Variants in EIF2AK4 observed in about 807,000 individuals in gnomAD.
The protein encoded by EIF2AK4 is eukaryotic translation initiation factor 2 alpha kinase 4, also known as eIF-2-alpha kinase GCN2.
A neutral mutation model predicts 211.1 loss-of-function variants in EIF2AK4; 139 were observed. That is an observed-to-expected ratio of 0.66 (90% CI 0.57 to 0.76). The LOEUF is 0.76. EIF2AK4 is among the 30% of genes least tolerant of loss of function. The pLI is 0.00. For synonymous variants in EIF2AK4, 710 were observed against 751.3 expected, an observed-to-expected ratio of 0.94 and a Z score of 0.90; for missense variants, 1,664 against 2,043.8, an observed-to-expected ratio of 0.81 and a Z score of 3.58.
chr15:40,006,234 T>A (rs1027509663), intron 23 of EIF2AK4, among the ~76,000 whole-genome samples: 1 of 152,158 alleles, frequency 6.6e-6, no homozygotes, highest in Non-Finnish European at 1.5e-5. Flanking sequence ...TTTTCTTTTA[T>A]AGTGAGTAAA....
chr15:39,946,567 C>G (rs2034230413), intron 3 of EIF2AK4: 1 of 702,086 alleles, frequency 1.4e-6, no homozygotes. Context: ...TAGGATATTT[C>G]ATAAACTTTG....
At position 39,990,175 on chromosome 15, in the gene EIF2AK4, A is replaced by G. The variant is rs2034922798; in HGVS notation, c.2527-98A>G. 1.7e-5 allele frequency: 20 copies of G among 1,182,744 alleles called. No homozygotes were observed. In the South Asian group the frequency reaches 2.4e-4, roughly 14 times the overall value. The allele number at this position is 1,182,744 out of a possible 1,614,324, so 73.3% of individuals were successfully genotyped here. On this transcript the variant is annotated intron_variant, in intron 15 of 38. Coordinates refer to ENST00000263791, the MANE Select transcript of EIF2AK4 (RefSeq NM_001013703.4). Reference sequence around the variant, plus strand: ...AGGGTGGTCTGTGGGAGAAGACCTCATACGATTTTCATCGCTAGGTTGGCC... The same window carrying G: ...AGGGTGGTCTGTGGGAGAAGACCTCGTACGATTTTCATCGCTAGGTTGGCC...
chr15:39,937,788 T>C (rs1566979026), intron 1 of EIF2AK4, among the ~76,000 whole-genome samples: 1 of 152,178 alleles, frequency 6.6e-6, no homozygotes, highest in Non-Finnish European at 1.5e-5. Context: ...GCATCCCTCC[T>C]CCTCCAGCTA....
At chr15:39,970,179 A>C (rs2034603750) in intron 9 of EIF2AK4, among the ~76,000 whole-genome samples, 1 of 152,220 alleles carries the variant, frequency 6.6e-6, no homozygotes, top group Non-Finnish European at 1.5e-5. Flanking sequence ...CAGGCATTTT[A>C]TCCCTTTTTG....
At chr15:39,934,441 C>T in intron 1 of EIF2AK4, 102 bp downstream of exon 1, 2 of 1,445,238 alleles carry the variant, frequency 1.4e-6, no homozygotes, top group Non-Finnish European at 1.8e-6. Flanking sequence ...CTTTAGGATC[C>T]TGCAGTCTTT....
chr15:40,021,128 G>A, intron 31 of EIF2AK4, 101 bp downstream of exon 31: 1 of 1,326,298 alleles, frequency 7.5e-7, no homozygotes, highest in East Asian at 2.7e-5. Flanking sequence ...GTTTATCTCT[G>A]TAATTCGAGT....
chr15:39,988,189 G>A (rs1261188900), intron 15 of EIF2AK4, 84 bp downstream of exon 15: 3 of 1,481,912 alleles, frequency 2.0e-6, no homozygotes, highest in East Asian at 4.6e-5. Context: ...TAAGATTGGA[G>A]AAAAACTGAA....
intron 18 of EIF2AK4, among the ~76,000 whole-genome samples, chr15:39,993,406 A>G (rs964046018): frequency 2.0e-5 from 3 of 152,244 alleles, no homozygotes; most frequent in Non-Finnish European, 4.4e-5. Flanking sequence ...AAGAAAAGAA[A>G]TGGAACTGAG....
intron 13 of EIF2AK4, among the ~76,000 whole-genome samples, chr15:39,983,117 C>G (rs1022186765): frequency 6.6e-6 from 1 of 152,164 alleles, no homozygotes; most frequent in Non-Finnish European, 1.5e-5. Flanking sequence ...TGAGGAATTG[C>G]CACACTGTCT....
intron 3 of EIF2AK4, chr15:39,946,893 G>A (rs888880992): frequency 1.8e-4 from 95 of 520,074 alleles, no homozygotes; most frequent in African/African-American, 1.7e-3. Context: ...TAAAATTAAG[G>A]TATATACATT....
At chr15:40,007,683 C>T (rs984214447) in intron 24 of EIF2AK4, among the ~76,000 whole-genome samples, 39 of 152,210 alleles carry the variant, frequency 2.6e-4, no homozygotes, top group African/African-American at 9.4e-4. Context: ...TCTTTACATG[C>T]TTTTATTCTA....
At chr15:40,016,063 A>G (rs1217054996) in intron 27 of EIF2AK4, among the ~76,000 whole-genome samples, 1 of 152,240 alleles carries the variant, frequency 6.6e-6, no homozygotes, top group Non-Finnish European at 1.5e-5. Flanking sequence ...ATTCAAGCCA[A>G]GGAAGGGAAT....
intron 16 of EIF2AK4, among the ~76,000 whole-genome samples, chr15:39,990,726 G>C (rs1028838947): frequency 1.3e-5 from 2 of 152,210 alleles, no homozygotes; most frequent in Non-Finnish European, 1.5e-5. Context: ...TTGGGGAAAT[G>C]AGGCTCAAAA....
At chr15:39,984,714 C>G (rs2034840724) in intron 13 of EIF2AK4, among the ~76,000 whole-genome samples, 2 of 152,302 alleles carry the variant, frequency 1.3e-5, no homozygotes, top group Non-Finnish European at 2.9e-5. Context: ...TATCCTGAGA[C>G]TTTGCTGAAG....
chr15:39,995,694 A>T (rs1177352318), intron 18 of EIF2AK4, among the ~76,000 whole-genome samples: 6 of 148,914 alleles, frequency 4.0e-5, no homozygotes, highest in East Asian at 2.0e-4. Flanking sequence ...TTTTATTTTT[A>T]TTTATTTTTT....
intron 32 of EIF2AK4, among the ~76,000 whole-genome samples, chr15:40,023,886 A>G (rs955950984): frequency 3.3e-5 from 5 of 152,310 alleles, no homozygotes; most frequent in African/African-American, 1.2e-4. Context: ...TTGACAAACT[A>G]CACCTTGGAC....
intron 36 of EIF2AK4, 68 bp from the exon 37 acceptor site, chr15:40,032,688 AC>A: frequency 7.0e-7 from 1 of 1,431,506 alleles, no homozygotes; most frequent in Non-Finnish European, 9.8e-7. Flanking sequence ...GCTGCATTTC[AC>A]GTGACACTAT....
At chr15:39,960,096 G>A (rs760685026) in intron 6 of EIF2AK4, among the ~76,000 whole-genome samples, 1 of 151,140 alleles carries the variant, frequency 6.6e-6, no homozygotes, top group African/African-American at 2.4e-5. Context: ...CCCGGGAGGC[G>A]GAGCTTGCAG....
chr15:39,976,625 A>G lies in EIF2AK4; in HGVS notation c.2030A>G (p.Lys677Arg), dbSNP rs781290949. The G allele has an allele frequency of 2.5e-6, 4 of 1,606,386 alleles. No individual in the cohort carries two copies. Among genetic ancestry groups the G allele is most frequent in the Non-Finnish European group, 3.4e-6 (4 of 1,177,380 alleles). Residue 677 changes from lysine to arginine, a missense_variant, in exon 12 of 39, where the codon AAG becomes AGG. By Grantham distance (26) the Lys-to-Arg change is conservative. Transcript: ENST00000263791. ...TPPPDSGPLA[K>R]DDRAARGQPA... ...CCCCCGGACTCCGGGCCCCTGGCCA[A>G]GGATGACCGAGCTGCACGCGGGCAG...
Sources: gnomAD v4.1 joint callset for allele counts (sites outside exome capture counted in the v4.1 genomes callset) on GRCh38, gnomAD v4.1.1 for gene constraint, MANE v1.5 for transcripts, NCBI Gene and HGNC (gene_info 2026-07-23, HGNC 2026-07-21) for gene names.